The following ZNF148 variants were observed in gnomAD, a reference collection of about 807,000 sequenced individuals.
The protein encoded by ZNF148 is Beta-Enolase Repressor Factor-1.
In ZNF148, 7 loss-of-function variants were observed where a neutral mutation model predicts 67.7. That is an observed-to-expected ratio of 0.10 (90% CI 0.06 to 0.19). The LOEUF (loss-of-function observed/expected upper bound fraction) is 0.19. Ranked by LOEUF, ZNF148 falls within the 10% of genes least tolerant of loss-of-function variation. The probability of loss-of-function intolerance (pLI) is 1.00; values close to 1 mark genes in which losing one functional copy is unlikely to be tolerated. For synonymous variants in ZNF148, 333 were observed against 330.7 expected (o/e 1.01, Z -0.08); for missense variants, 583 against 947.1 (o/e 0.62, Z 5.05).
At chr3:125,336,805 T>A (rs1034198314) in intron 1 of ZNF148, among the ~76,000 whole-genome samples, 2 of 148,420 alleles carry the variant, frequency 1.3e-5, no homozygotes, top group African/African-American at 5.0e-5. Context: ...GCCTCCCACA[T>A]AGCTGGGACT....
At chr3:125,251,676 T>C (rs537709161) in intron 7 of ZNF148, among the ~76,000 whole-genome samples, 88 of 152,388 alleles carry the variant, frequency 5.8e-4, no homozygotes, top group African/African-American at 1.9e-3. Context: ...ATTCCATTCA[T>C]ATACCACAAT....
At chr3:125,362,603 G>A (rs1350246965) in intron 1 of ZNF148, among the ~76,000 whole-genome samples, 1 of 149,730 alleles carries the variant, frequency 6.7e-6, no homozygotes, top group Non-Finnish European at 1.5e-5. Flanking sequence ...CACCCAGGCT[G>A]GAGTGCAGTG....
Position 125,229,454 on chromosome 3 carries a change from T to C in ZNF148, c.*2887A>G, listed in dbSNP as rs1000202149. The C allele has an allele frequency of 6.6e-6, 1 of 152,160 alleles. No individual in the cohort carries two copies. The highest frequency in any genetic ancestry group is 1.5e-5 in the Non-Finnish European group (1 of 68,024). The allele number at this position is 152,160 out of a possible 1,614,324, so 9.4% of individuals were successfully genotyped here. A position where few individuals can be genotyped will look rare whatever the true frequency, so the allele number is the denominator to read the frequency against. On this transcript the variant is annotated 3_prime_UTR_variant, in exon 9 of 9. Coordinates refer to ENST00000360647, the MANE Select transcript of ZNF148 (RefSeq NM_021964.3). ...CCTTGTTAAGTACCACATTTGCATGTAGACCCAAAACGTTTAAGAGCCACT... is the reference window on the plus strand; with the variant it reads ...CCTTGTTAAGTACCACATTTGCATGCAGACCCAAAACGTTTAAGAGCCACT...
At chr3:125,365,159 TA>T (rs1363166863) in intron 1 of ZNF148, among the ~76,000 whole-genome samples, 1 of 152,200 alleles carries the variant, frequency 6.6e-6, no homozygotes, top group Non-Finnish European at 1.5e-5. Flanking sequence ...GTGTCATATA[TA>T]AACATGTATC....
intron 7 of ZNF148, among the ~76,000 whole-genome samples, chr3:125,243,084 T>C (rs1255641462): frequency 6.6e-6 from 1 of 152,230 alleles, no homozygotes; most frequent in Non-Finnish European, 1.5e-5. Context: ...TATGAACAAT[T>C]TGATATTATT....
At chr3:125,309,984 C>T (rs1465628828) in intron 4 of ZNF148, among the ~76,000 whole-genome samples, 1 of 151,844 alleles carries the variant, frequency 6.6e-6, no homozygotes, top group East Asian at 1.9e-4. Flanking sequence ...CAGAATTAAA[C>T]TACAACTAAT....
Position 125,233,477 on chromosome 3 carries a change from A to G in ZNF148, c.1249T>C (p.Tyr417His). Reference protein sequence around the residue: ...QNQTISPLSTYEESKVSKYAF... With the variant: ...QNQTISPLSTHEESKVSKYAF... ...TACTTTGAAACTTTGCTCTCTTCATATGTGGATAAAGGTGAAATTGTTTGA... is the reference window on the plus strand; with the variant it reads ...TACTTTGAAACTTTGCTCTCTTCATGTGTGGATAAAGGTGAAATTGTTTGA... The change falls in exon 9 of 9, where the codon TAT becomes CAT. Residue 417 changes from tyrosine to histidine, a missense_variant. Tyr to His is a moderately conservative substitution (Grantham distance 83). Around this residue, in one of 5 missense-constraint regions of ZNF148, gnomAD observed 172 missense variants for 307.7 expected, o/e 0.56. Transcript: ENST00000360647. The surrounding 1 kb of genome is among the most constrained non-coding windows in gnomAD (Gnocchi z 5.1). 2 of 1,613,826 alleles carry G rather than the reference A, an allele frequency of 1.2e-6. No homozygotes were observed. Among genetic ancestry groups the G allele is most frequent in the South Asian group, 2.2e-5 (2 of 91,078 alleles).
chr3:125,240,844 G>A (rs1178351987), intron 7 of ZNF148, among the ~76,000 whole-genome samples: 2 of 151,184 alleles, frequency 1.3e-5, no homozygotes, highest in South Asian at 2.1e-4. Flanking sequence ...TTGTACAAAT[G>A]TTCTTTTGTT....
chr3:125,317,662 T>TGGAGAG (rs1553708232), intron 3 of ZNF148, among the ~76,000 whole-genome samples: 2 of 90,024 alleles, frequency 2.2e-5, no homozygotes, highest in South Asian at 7.7e-4. Flanking sequence ...TATATATATA[T>TGGAGAG]AGAGAGAGAG....
At chr3:125,276,729 C>T (rs1197689420) in intron 7 of ZNF148, among the ~76,000 whole-genome samples, 2 of 152,004 alleles carry the variant, frequency 1.3e-5, no homozygotes, top group Non-Finnish European at 2.9e-5. Context: ...CCACTGAGCC[C>T]AGCCCAGTTA....
At chr3:125,256,765 A>C (rs1446158286) in intron 7 of ZNF148, among the ~76,000 whole-genome samples, 2 of 152,270 alleles carry the variant, frequency 1.3e-5, no homozygotes, top group East Asian at 3.9e-4. Context: ...CCTACTAGTC[A>C]TGTACTACCC....
Position 125,227,569 on chromosome 3 carries a change from G to A in ZNF148, c.*4772C>T, listed in dbSNP as rs1051090399. On this transcript the variant is annotated 3_prime_UTR_variant, in exon 9 of 9. Transcript: ENST00000360647. Reference sequence around the variant, plus strand: ...ACAGTATGCCCTTGAAGTAAAATGAGGTTACCTGCTTTATTTGGATACCAA... The same window carrying A: ...ACAGTATGCCCTTGAAGTAAAATGAAGTTACCTGCTTTATTTGGATACCAA... 2.6e-5 allele frequency: 4 copies of A among 152,484 alleles called. No homozygotes were observed. Among genetic ancestry groups the A allele is most frequent in the Admixed American group, 1.3e-4 (2 of 15,250 alleles). 9.4% of individuals were successfully genotyped at this position (152,484 alleles called of 1,614,324 possible).
At chr3:125,238,717 A>G (rs547906251) in intron 7 of ZNF148, among the ~76,000 whole-genome samples, 2 of 152,332 alleles carry the variant, frequency 1.3e-5, no homozygotes, top group East Asian at 3.9e-4. Flanking sequence ...TTCCTCGAAA[A>G]GTTTAACAGA....
rs116544931 is a variant in ZNF148, at chr3:125,360,061, G to A, written c.-234+15041C>T. 5.4e-3 allele frequency among the ~76,000 whole-genome samples: 817 copies of A among 152,162 alleles called. 6 individuals are homozygous for A. Among genetic ancestry groups the A allele is most frequent in the African/African-American group, 0.019 (770 of 41,492 alleles). ...CTTAATGATGCTTGTCAATATCCTC[G>A]CCCCTACAAACCATGGCCTGTTTAA... On this transcript the variant is annotated intron_variant, in intron 1 of 8. Transcript: ENST00000360647.
intron 3 of ZNF148, among the ~76,000 whole-genome samples, chr3:125,316,832 G>A (rs1314457815): frequency 6.6e-6 from 1 of 151,976 alleles, no homozygotes; most frequent in Non-Finnish European, 1.5e-5. Flanking sequence ...ATCCTTTCCT[G>A]TGCAGAAGAT....
intron 1 of ZNF148, among the ~76,000 whole-genome samples, chr3:125,350,912 A>G (rs529632131): frequency 1.3e-5 from 2 of 152,376 alleles, no homozygotes; most frequent in Admixed American, 6.5e-5. Context: ...TAAGAACATT[A>G]TAAGTGAAAC....
intron 1 of ZNF148, among the ~76,000 whole-genome samples, chr3:125,355,742 T>C (rs975211950): frequency 6.6e-6 from 1 of 150,726 alleles, no homozygotes; most frequent in Non-Finnish European, 1.5e-5. Context: ...AAAAAAAAAA[T>C]TGCAACTCAC....
At chr3:125,244,843 T>C (rs996858582) in intron 7 of ZNF148, among the ~76,000 whole-genome samples, 1 of 152,010 alleles carries the variant, frequency 6.6e-6, no homozygotes, top group African/African-American at 2.4e-5. Context: ...CTCAAAGTGA[T>C]CCCTTTCTTT....
rs535789397 is a variant in ZNF148 at position 125,347,227 on chromosome 3, G to C, written c.-233-15989C>G. ...AACAAACATCTAATGTTCATGGATT[G>C]AAAAATTTCATATTGTTAAGAGGAA... is the stretch of plus-strand genomic sequence containing the variant. On this transcript the variant is annotated intron_variant, in intron 1 of 8. Transcript: ENST00000360647. Among the ~76,000 whole-genome samples, 3 of 152,256 alleles carry C rather than the reference G, an allele frequency of 2.0e-5. No homozygotes were observed. In the East Asian group the frequency reaches 5.8e-4, roughly 29 times the overall value.
Sources: gnomAD v4.1 joint callset for allele counts (sites outside exome capture counted in the v4.1 genomes callset) on GRCh38, gnomAD v4.1.1 for gene constraint, gnomAD v4.1.1 regional missense constraint, Gnocchi (gnomAD v3.1) non-coding constraint, MANE v1.5 for transcripts, NCBI Gene and HGNC (gene_info 2026-07-23, HGNC 2026-07-21) for gene names.